Variants in PXDN observed in about 807,000 individuals in gnomAD.
PXDN encodes the protein peroxidasin homolog.
A neutral mutation model predicts 140.3 loss-of-function variants in PXDN; 77 were observed. The observed-to-expected ratio is 0.55, with a 90% CI of 0.46 to 0.66. The LOEUF (loss-of-function observed/expected upper bound fraction) is 0.66, where lower values mean the gene tolerates loss of function less well. Among genes scored for constraint, PXDN ranks in the 30% least tolerant of loss-of-function variants. The pLI is 0.00. For synonymous variants in PXDN, 911 were observed against 857.4 expected (o/e 1.06, Z -1.09); for missense variants, 1,838 against 2,039.5 (o/e 0.90, Z 1.90).
intron 1 of PXDN, among the ~76,000 whole-genome samples, chr2:1,705,263 C>T (rs1328976009): frequency 6.6e-6 from 1 of 152,172 alleles, no homozygotes; most frequent in Non-Finnish European, 1.5e-5. Flanking sequence ...ACCCACATGA[C>T]CCACTGAAGA....
At chr2:1,724,011 A>G (rs755788965) in intron 1 of PXDN, among the ~76,000 whole-genome samples, 7 of 152,224 alleles carry the variant, frequency 4.6e-5, no homozygotes, top group Non-Finnish European at 8.8e-5. Context: ...TATTCCCAAA[A>G]GGAAGCTTGG....
intron 14 of PXDN, among the ~76,000 whole-genome samples, chr2:1,659,173 A>G (rs1683246428): frequency 6.6e-6 from 1 of 152,232 alleles, no homozygotes. Flanking sequence ...ACACCGGACT[A>G]TGGATGGACA....
At chr2:1,708,552 G>A (rs1245009680) in intron 1 of PXDN, among the ~76,000 whole-genome samples, 1 of 152,162 alleles carries the variant, frequency 6.6e-6, no homozygotes, top group East Asian at 1.9e-4. Flanking sequence ...AGGCCGGGGA[G>A]GTTCCGCCCT....
At position 1,666,279 on chromosome 2, in the gene PXDN, T is replaced by C; in HGVS notation, c.1226A>G (p.Glu409Gly). Residue 409 changes from glutamate to glycine, a missense_variant, in exon 10 of 23, where the codon GAG (glutamate) becomes GGG (glycine). This residue lies in a region of PXDN where 537 missense variants were observed against 583.9 expected (regional missense o/e 0.92). Coordinates refer to ENST00000252804, the MANE Select transcript of PXDN (RefSeq NM_012293.3). ...GTTGTTGGTCGCAGAGCACGCATACTCTCCGCTGTCCCCCTGTACGACGTT... is the reference window on the plus strand; with the variant it reads ...GTTGTTGGTCGCAGAGCACGCATACCCTCCGCTGTCCCCCTGTACGACGTT... ...IQNVVQGDSGEYACSATNNID... is the reference protein window; with the variant it reads ...IQNVVQGDSGGYACSATNNID... 6.2e-7 allele frequency: 1 copy of C among 1,613,990 alleles called. No homozygotes were observed. Among genetic ancestry groups the C allele is most frequent in the South Asian group, 1.1e-5 (1 of 91,082 alleles).
Position 1,639,756 on chromosome 2 carries a change from G to A in PXDN, c.3953-334C>T, listed in dbSNP as rs192710463. On this transcript the variant is annotated intron_variant, in intron 19 of 22. Transcript: ENST00000252804. The surrounding 1 kb of genome is among the most constrained non-coding windows in gnomAD (Gnocchi z 5.0). ...GATGGAGGCTCAGGCACTCTGCCTC[G>A]GAGATCAGAGTCTGCTGTTTCTGGG... is the stretch of plus-strand genomic sequence containing the variant. Among the ~76,000 whole-genome samples the A allele has an allele frequency of 4.6e-5, 7 of 152,292 alleles. No homozygotes were observed. The East Asian group carries it at 1.2e-3, about 25-fold the overall frequency.
intron 9 of PXDN, among the ~76,000 whole-genome samples, chr2:1,673,331 T>TG (rs888973126): frequency 3.3e-5 from 5 of 151,002 alleles, no homozygotes; most frequent in African/African-American, 1.2e-4. Context: ...AGATGGCGCC[T>TG]GGGGGGTGGG....
chr2:1,666,565 C>T, intron 9 of PXDN, 79 bp from the exon 10 acceptor site: 4 of 1,444,618 alleles, frequency 2.8e-6, no homozygotes, highest in Non-Finnish European at 2.8e-6. Context: ...CTATGTCAGG[C>T]TATTAATTCT....
chr2:1,640,943 C>T (rs1249243372), intron 19 of PXDN, among the ~76,000 whole-genome samples: 1 of 152,150 alleles, frequency 6.6e-6, no homozygotes, highest in Admixed American at 6.5e-5. Context: ...TCCAGGATGG[C>T]CGTCTCTTCC....
At chr2:1,701,986 G>C (rs887022765) in intron 1 of PXDN, among the ~76,000 whole-genome samples, 30 of 152,274 alleles carry the variant, frequency 2.0e-4, no homozygotes, top group Admixed American at 5.2e-4. Context: ...GGGTGAATTG[G>C]TAACTGCTGC....
chr2:1,650,247 T>G (rs2125412825), intron 16 of PXDN, among the ~76,000 whole-genome samples: 1 of 152,198 alleles, frequency 6.6e-6, no homozygotes, highest in East Asian at 1.9e-4. Flanking sequence ...CGCCCTCCTC[T>G]CCATTTCTCT....
At chr2:1,728,954 A>ATGGCTAAC (rs1344760045) in intron 1 of PXDN, among the ~76,000 whole-genome samples, 1 of 152,184 alleles carries the variant, frequency 6.6e-6, no homozygotes. Context: ...CAGGACCACC[A>ATGGCTAAC]TGGCTAACCA....
chr2:1,717,926 T>G (rs1250367763), intron 1 of PXDN, among the ~76,000 whole-genome samples: 3 of 149,520 alleles, frequency 2.0e-5, no homozygotes, highest in Non-Finnish European at 4.4e-5. Flanking sequence ...AAAGCTATTC[T>G]ACTAACCAAC....
chr2:1,703,503 GGGGACAACTCCAGGTGA>G (rs1684499933), intron 1 of PXDN, among the ~76,000 whole-genome samples: 1 of 14,240 alleles, frequency 7.0e-5, no homozygotes, highest in African/African-American at 6.8e-4. Context: ...CAGGTGAAGG[GGGGACAACTCCAGGTGA>G]AGGGGGGACA....
chr2:1,710,981 GCTCCACCAGCACCCA>G (rs1288209783), intron 1 of PXDN, among the ~76,000 whole-genome samples: 4 of 20,330 alleles, frequency 2.0e-4, no homozygotes, highest in African/African-American at 2.6e-4. Flanking sequence ...ACCAGCACCC[GCTCCACCAGCACCCA>G]CTCCACCAGC....
chr2:1,723,840 C>T (rs1292326148), intron 1 of PXDN, among the ~76,000 whole-genome samples: 1 of 152,128 alleles, frequency 6.6e-6, no homozygotes, highest in Non-Finnish European at 1.5e-5. Flanking sequence ...ACATCAGCCG[C>T]CTGTTGCCAT....
intron 14 of PXDN, among the ~76,000 whole-genome samples, chr2:1,659,585 T>C (rs916931808): frequency 1.3e-5 from 2 of 152,186 alleles, no homozygotes; most frequent in African/African-American, 4.8e-5. Flanking sequence ...TTTTGGGGGA[T>C]GGAATTACGG....
intron 1 of PXDN, among the ~76,000 whole-genome samples, chr2:1,698,376 C>T (rs186286282): frequency 7.2e-4 from 109 of 152,104 alleles, no homozygotes; most frequent in Non-Finnish European, 1.1e-3. Context: ...TCGAGAGCTC[C>T]CAGAAATGAT....
At chr2:1,705,169 G>T (rs533642637) in intron 1 of PXDN, among the ~76,000 whole-genome samples, 2 of 152,034 alleles carry the variant, frequency 1.3e-5, no homozygotes, top group Admixed American at 1.3e-4. Flanking sequence ...CCCCGGAGCC[G>T]TGAGAGCAGA....
chr2:1,705,614 C>T (rs1236904870), intron 1 of PXDN, among the ~76,000 whole-genome samples: 5 of 146,372 alleles, frequency 3.4e-5, no homozygotes, highest in Admixed American at 6.8e-5. Context: ...CGGCTCCCCA[C>T]GACCTGGGAC....
Sources: gnomAD v4.1 joint callset for allele counts (sites outside exome capture counted in the v4.1 genomes callset) on GRCh38, gnomAD v4.1.1 for gene constraint, gnomAD v4.1.1 regional missense constraint, Gnocchi (gnomAD v3.1) non-coding constraint, MANE v1.5 for transcripts, NCBI Gene and HGNC (gene_info 2026-07-23, HGNC 2026-07-21) for gene names.